Variants in NEK10 observed in about 807,000 individuals in gnomAD.
The protein encoded by NEK10 is serine/threonine-protein kinase Nek10.
NEK10 carries 122 observed loss-of-function variants against 159.8 expected under a neutral mutation model. That is an observed-to-expected ratio of 0.76 (90% CI 0.66 to 0.89). NEK10 has a LOEUF of 0.89. Among genes scored for constraint, NEK10 ranks in the 40% least tolerant of loss-of-function variants. The pLI is 0.00. For synonymous variants in NEK10, 466 were observed against 457.1 expected (o/e 1.02, Z -0.25); for missense variants, 1,342 against 1,323.1 (o/e 1.01, Z -0.22).
At position 27,259,504 on chromosome 3, in the gene NEK10, G is replaced by C. The variant is rs1272706753; in HGVS notation, c.2015-3133C>G. On this transcript the variant is annotated intron_variant, in intron 22 of 35. Transcript: ENST00000691995. ...CTTTCCCCATTGCTTGTTTTTGTCA[G>C]GTTTGTCAAACTTCAGATGGTTGTA... 3.3e-5 allele frequency among the ~76,000 whole-genome samples: 5 copies of C among 152,148 alleles called. No individual in the cohort carries two copies. In the East Asian group the frequency reaches 9.6e-4, roughly 29 times the overall value.
At position 27,344,298 on chromosome 3, in the gene NEK10, G is replaced by C; in HGVS notation, c.336C>G (p.Ala112=). 1.3e-6 allele frequency: 2 copies of C among 1,593,568 alleles called. No individual in the cohort carries two copies. The highest frequency in any genetic ancestry group is 2.2e-5 in the South Asian group (2 of 89,264). ...QRKLFQEIFT[A]LVKNRLISRE... ...TGCTTATGAGTCTATTTTTCACCAA[G>C]GCGGTAAAGATCTCCTGAAATAGTT... The change falls in exon 5 of 36, where the codon GCC becomes GCG. Residue 112 remains alanine (A), a synonymous_variant. Transcript: ENST00000691995.
At chr3:27,358,999 C>G (rs2149861947) in intron 1 of NEK10, among the ~76,000 whole-genome samples, 1 of 152,230 alleles carries the variant, frequency 6.6e-6, no homozygotes, top group East Asian at 1.9e-4. Flanking sequence ...GAGGTCAGTT[C>G]AAGACCAGCC....
chr3:27,122,669 C>G (rs1448726327), intron 32 of NEK10, among the ~76,000 whole-genome samples: 1 of 152,120 alleles, frequency 6.6e-6, no homozygotes, highest in African/African-American at 2.4e-5. Flanking sequence ...GTAGGAGTAA[C>G]TGGCTGCCTG....
At chr3:27,169,086 T>TA (rs1414455550) in intron 29 of NEK10, among the ~76,000 whole-genome samples, 5 of 152,156 alleles carry the variant, frequency 3.3e-5, no homozygotes, top group African/African-American at 4.8e-5. Flanking sequence ...ATGGATCCTT[T>TA]AAAAAAATAG....
intron 31 of NEK10, among the ~76,000 whole-genome samples, chr3:27,138,791 G>A (rs1481660582): frequency 6.6e-6 from 1 of 152,172 alleles, no homozygotes; most frequent in Non-Finnish European, 1.5e-5. Context: ...AGTAATCCAT[G>A]GCATGCAGTT....
At chr3:27,137,241 CA>C (rs977166492) in intron 31 of NEK10, among the ~76,000 whole-genome samples, 1 of 150,876 alleles carries the variant, frequency 6.6e-6, no homozygotes, top group Admixed American at 6.6e-5. Context: ...GCCATTCTGC[CA>C]AAAAAAATGA....
chr3:27,309,055 C>T (rs976650806), intron 9 of NEK10, 50 bp from the exon 10 acceptor site: 2 of 865,856 alleles, frequency 2.3e-6, no homozygotes, highest in African/African-American at 3.4e-5. Flanking sequence ...CTACAAGCTT[C>T]TTTTTTCAAC....
At chr3:27,264,876 A>G (rs544110316) in intron 22 of NEK10, among the ~76,000 whole-genome samples, 1 of 150,072 alleles carries the variant, frequency 6.7e-6, no homozygotes, top group Non-Finnish European at 1.5e-5. Context: ...CCTGGGCAAC[A>G]TGAGCGAAAA....
intron 3 of NEK10, among the ~76,000 whole-genome samples, chr3:27,347,681 T>A (rs2047667129): frequency 6.6e-6 from 1 of 152,126 alleles, no homozygotes; most frequent in Non-Finnish European, 1.5e-5. Flanking sequence ...ATTTTCAAAA[T>A]GTTAATAATA....
Position 27,308,977 on chromosome 3 carries a change from TC to T in NEK10, c.664del (p.Asp222IlefsTer15). 1.9e-6 allele frequency: 3 copies of T among 1,598,162 alleles called. No individual in the cohort carries two copies. The highest frequency in any genetic ancestry group is 2.6e-6 in the Non-Finnish European group (3 of 1,167,164). On this transcript the variant is annotated frameshift_variant, in exon 10 of 36. Transcript: ENST00000691995. LOFTEE classifies it high-confidence loss of function. ...KTLVNLLGAR[D>X]TNVLLGSLLA... is the part of the protein sequence containing the mutation. ...AAGGGAACCCAATAGAACATTAGTA[TC>T]TCGGGCACCAAGTAAATTTACTAAT...
intron 22 of NEK10, among the ~76,000 whole-genome samples, chr3:27,264,180 A>G (rs1428829495): frequency 6.6e-6 from 1 of 152,190 alleles, no homozygotes; most frequent in Non-Finnish European, 1.5e-5. Flanking sequence ...ATAGAAAAAT[A>G]AGGACCAGAT....
intron 30 of NEK10, among the ~76,000 whole-genome samples, chr3:27,144,859 C>T (rs1944142490): frequency 6.6e-6 from 1 of 152,026 alleles, no homozygotes; most frequent in Non-Finnish European, 1.5e-5. Context: ...GTAGCTGGGA[C>T]CACAGGCATG....
intron 23 of NEK10, chr3:27,215,975 C>G (rs1044397960): frequency 6.0e-6 from 3 of 502,802 alleles, no homozygotes; most frequent in Non-Finnish European, 1.1e-5. Flanking sequence ...CCACCAGGCT[C>G]CACCTCTAAC....
At chr3:27,185,834 A>G (rs988981179) in intron 26 of NEK10, among the ~76,000 whole-genome samples, 9 of 152,214 alleles carry the variant, frequency 5.9e-5, no homozygotes, top group Non-Finnish European at 1.2e-4. Flanking sequence ...ATCACTTGGT[A>G]GAAGTAAGGA....
At chr3:27,327,099 G>A (rs2046057115) in intron 5 of NEK10, among the ~76,000 whole-genome samples, 1 of 152,132 alleles carries the variant, frequency 6.6e-6, no homozygotes, top group African/African-American at 2.4e-5. Flanking sequence ...GGAGCTGAGT[G>A]TCTGGCCCAC....
At chr3:27,266,818 C>T (rs114369804) in intron 22 of NEK10, among the ~76,000 whole-genome samples, 60 of 152,308 alleles carry the variant, frequency 3.9e-4, no homozygotes, top group Middle Eastern at 3.4e-3. Context: ...TTCTGACATG[C>T]TTCCTCTCTT....
Position 27,314,403 on chromosome 3 carries a change from A to G in NEK10, c.448-65T>C, listed in dbSNP as rs140568899. The G allele has an allele frequency of 1.7e-4, 157 of 934,210 alleles. 1 individual carries two copies. The East Asian group carries it at 4.0e-3, about 24-fold the overall frequency. The allele number at this position is 934,210 out of a possible 1,614,324, so 57.9% of individuals were successfully genotyped here. A position where few individuals can be genotyped will look rare whatever the true frequency, so the allele number is the denominator to read the frequency against. Reference sequence around the variant, plus strand: ...GGGTGGAGGGGGAAGTATATTTTACATGCAATTTCTTTACTAAGTTGTCAT... The same window carrying G: ...GGGTGGAGGGGGAAGTATATTTTACGTGCAATTTCTTTACTAAGTTGTCAT... On this transcript the variant is annotated intron_variant, in intron 6 of 35. Transcript: ENST00000691995.
At chr3:27,337,870 C>T (rs2046921512) in intron 5 of NEK10, among the ~76,000 whole-genome samples, 1 of 152,058 alleles carries the variant, frequency 6.6e-6, no homozygotes. Flanking sequence ...AAACAGAAAA[C>T]ACTTTCCTAT....
chr3:27,273,123 C>T (rs540219637), intron 22 of NEK10, among the ~76,000 whole-genome samples: 1 of 152,188 alleles, frequency 6.6e-6, no homozygotes, highest in East Asian at 1.9e-4. Flanking sequence ...CTCAAAGGCC[C>T]TATGGTCAAG....
Sources: gnomAD v4.1 joint callset for allele counts (sites outside exome capture counted in the v4.1 genomes callset) on GRCh38, gnomAD v4.1.1 for gene constraint, MANE v1.5 for transcripts, NCBI Gene and HGNC (gene_info 2026-07-23, HGNC 2026-07-21) for gene names.